The following DOCK3 variants were observed in gnomAD, a reference collection of about 807,000 sequenced individuals.
DOCK3 encodes the protein dedicator of cytokinesis 3.
A neutral mutation model predicts 265.6 loss-of-function variants in DOCK3; 60 were observed. The observed-to-expected ratio is 0.23, with a 90% CI of 0.18 to 0.28. DOCK3 has a LOEUF of 0.28. Ranked by LOEUF, DOCK3 falls within the 10% of genes least tolerant of loss-of-function variation. The pLI is 1.00. For synonymous variants in DOCK3, 881 were observed against 938.0 expected (o/e 0.94, Z 1.11); for missense variants, 1,981 against 2,594.3 (o/e 0.76, Z 5.14).
chr3:51,255,812 C>T (rs1325860430), intron 22 of DOCK3, among the ~76,000 whole-genome samples: 1 of 152,172 alleles, frequency 6.6e-6, no homozygotes, highest in African/African-American at 2.4e-5. Flanking sequence ...TTCGAACATC[C>T]TCCTTTAGCT....
At position 51,160,716 on chromosome 3, in the gene DOCK3, A is replaced by C; in HGVS notation, c.1037+14A>C. 1 of 1,608,594 alleles carries C rather than the reference A, an allele frequency of 6.2e-7. No individual in the cohort carries two copies. Among genetic ancestry groups the C allele is most frequent in the South Asian group, 1.1e-5 (1 of 90,304 alleles). On this transcript the variant is annotated intron_variant, in intron 12 of 52. Transcript: ENST00000266037. The stretch of plus-strand genomic sequence containing the variant: ...TAAGGTTTACACGTGAGTAATGGAC[A>C]TCAGGAATATTAATGATTTGTAGCA...
At position 51,362,648 on chromosome 3, in the gene DOCK3, T is replaced by C. The variant is rs774518416; in HGVS notation, c.5267T>C (p.Ile1756Thr). 6 of 1,613,828 alleles carry C rather than the reference T, an allele frequency of 3.7e-6. No homozygotes were observed. The highest frequency in any genetic ancestry group is 5.1e-6 in the Non-Finnish European group (6 of 1,179,834). The change falls in exon 49 of 53, where the codon ATT (isoleucine) becomes ACT (threonine). Residue 1756 changes from isoleucine (I) to threonine (T), a missense_variant. Physicochemically the swap from Ile to Thr is moderately conservative, Grantham distance 89. This residue lies in a region of DOCK3 where 1,357 missense variants were observed against 1,866.8 expected (regional missense o/e 0.73). Coordinates refer to ENST00000266037, the MANE Select transcript of DOCK3 (RefSeq NM_004947.5). ...ACTCACTCAGCACCATCCCAGATGA[T>C]TACCTCTGCCCCTTCCAGTGCCCGA... is the stretch of plus-strand genomic sequence containing the variant. ...SSTHSAPSQM[I>T]TSAPSSARGS...
chr3:50,795,016 G>T (rs1325154478), intron 2 of DOCK3, among the ~76,000 whole-genome samples: 1 of 151,990 alleles, frequency 6.6e-6, no homozygotes, highest in African/African-American at 2.4e-5. Flanking sequence ...ATGAATTCTG[G>T]GTTTGAATCT....
At chr3:50,899,200 CTTG>C (rs1470921199) in intron 4 of DOCK3, among the ~76,000 whole-genome samples, 2 of 152,128 alleles carry the variant, frequency 1.3e-5, no homozygotes, top group African/African-American at 2.4e-5. Flanking sequence ...GTTAGCTCTT[CTTG>C]TTGTATTGAT....
intron 1 of DOCK3, among the ~76,000 whole-genome samples, chr3:50,697,132 T>C (rs1417987051): frequency 6.6e-6 from 1 of 151,900 alleles, no homozygotes; most frequent in African/African-American, 2.4e-5. Context: ...GGTGTCACCA[T>C]GTTGGCCAGG....
At chr3:51,212,449 T>G (rs2089565471) in intron 13 of DOCK3, among the ~76,000 whole-genome samples, 1 of 150,530 alleles carries the variant, frequency 6.6e-6, no homozygotes, top group Non-Finnish European at 1.5e-5. Flanking sequence ...TTTTTTTTTT[T>G]GCTTTTGCCT....
intron 2 of DOCK3, among the ~76,000 whole-genome samples, chr3:50,802,699 A>G (rs2043136403): frequency 6.6e-6 from 1 of 152,114 alleles, no homozygotes; most frequent in Non-Finnish European, 1.5e-5. Flanking sequence ...TGCTGCTTTT[A>G]AAATTATTTC....
At chr3:51,249,296 C>T (rs1477115239) in intron 22 of DOCK3, among the ~76,000 whole-genome samples, 5 of 140,698 alleles carry the variant, frequency 3.6e-5, no homozygotes, top group Non-Finnish European at 6.3e-5. Flanking sequence ...AGCCCCTCTG[C>T]CCAACCAGCC....
At chr3:50,871,803 A>T (rs890569490) in intron 3 of DOCK3, among the ~76,000 whole-genome samples, 1 of 152,186 alleles carries the variant, frequency 6.6e-6, no homozygotes, top group African/African-American at 2.4e-5. Context: ...ACAATGAGTC[A>T]TTCTTGATTC....
chr3:50,675,886 T>G lies in DOCK3; in HGVS notation c.37+586T>G, dbSNP rs984975916. Among the ~76,000 whole-genome samples the G allele has an allele frequency of 8.0e-6, 1 of 124,288 alleles. No individual in the cohort carries two copies. Among genetic ancestry groups the G allele is most frequent in the Admixed American group, 8.2e-5 (1 of 12,138 alleles). 81.5% of individuals were successfully genotyped at this position (124,288 alleles called of 152,430 possible). The stretch of plus-strand genomic sequence containing the variant: ...GGACATGTATCAATGTTTATACGGT[T>G]TTTTTTTTAAACCCTGTTTTCAGAT... On this transcript the variant is annotated intron_variant, in intron 1 of 52. Transcript: ENST00000266037. The surrounding 1 kb of genome is among the most constrained non-coding windows in gnomAD (Gnocchi z 6.1).
chr3:51,282,659 A>G (rs1271120485), intron 27 of DOCK3, among the ~76,000 whole-genome samples: 1 of 125,706 alleles, frequency 8.0e-6, no homozygotes, highest in East Asian at 2.3e-4. Flanking sequence ...GTCTCAAAAA[A>G]AAAAAAAAAA....
At chr3:51,248,609 C>T (rs796991736) in intron 22 of DOCK3, among the ~76,000 whole-genome samples, 3 of 152,094 alleles carry the variant, frequency 2.0e-5, no homozygotes, top group African/African-American at 7.2e-5. Context: ...TCTGCCCGGC[C>T]GCCACCCCGT....
At chr3:51,362,818 G>T (rs1402687898) in intron 49 of DOCK3, 144 bp downstream of exon 49, 2 of 1,248,264 alleles carry the variant, frequency 1.6e-6, no homozygotes, top group Non-Finnish European at 2.2e-6. Flanking sequence ...CTAAGGACTC[G>T]AGAGTTCCTG....
intron 5 of DOCK3, among the ~76,000 whole-genome samples, chr3:50,972,009 C>T (rs774331123): frequency 6.6e-6 from 1 of 152,220 alleles, no homozygotes; most frequent in Non-Finnish European, 1.5e-5. Context: ...GTGCTCGGAA[C>T]ACTCAGATTG....
chr3:51,028,970 AGAAACACT>A (rs2079927968), intron 5 of DOCK3, among the ~76,000 whole-genome samples: 1 of 152,180 alleles, frequency 6.6e-6, no homozygotes, highest in African/African-American at 2.4e-5. Flanking sequence ...TTGGAGGTGA[AGAAACACT>A]GGCTTTTTTT....
chr3:51,301,797 T>G (rs1317845379), intron 27 of DOCK3, among the ~76,000 whole-genome samples: 1 of 152,186 alleles, frequency 6.6e-6, no homozygotes, highest in Non-Finnish European at 1.5e-5. Context: ...TCTGAGATCC[T>G]GTTTGTTATT....
chr3:51,160,703 G>C lies in DOCK3; in HGVS notation c.1037+1G>C, dbSNP rs1378797018. On this transcript the variant is annotated splice_donor_variant, in intron 12 of 52. Coordinates refer to ENST00000266037, the MANE Select transcript of DOCK3 (RefSeq NM_004947.5). LOFTEE classifies it high-confidence loss of function. ...AGGATTTTGTTCTTAAGGTTTACAC[G>C]TGAGTAATGGACATCAGGAATATTA... The C allele has an allele frequency of 6.2e-7, 1 of 1,610,746 alleles. No homozygotes were observed. The highest frequency in any genetic ancestry group is 1.3e-5 in the African/African-American group (1 of 74,962).
At chr3:51,255,927 T>C (rs2079522288) in intron 22 of DOCK3, among the ~76,000 whole-genome samples, 1 of 152,232 alleles carries the variant, frequency 6.6e-6, no homozygotes, top group African/African-American at 2.4e-5. Flanking sequence ...GCTGTGTTCC[T>C]TTGGAGGAGA....
intron 12 of DOCK3, among the ~76,000 whole-genome samples, chr3:51,169,156 A>G (rs919972116): frequency 2.0e-5 from 3 of 152,240 alleles, no homozygotes; most frequent in African/African-American, 4.8e-5. Flanking sequence ...AATTAGTTCA[A>G]CCATTGTGGA....
Sources: allele counts gnomAD v4.1 joint callset (sites outside exome capture counted in the v4.1 genomes callset), GRCh38; gene constraint gnomAD v4.1.1; regional missense constraint gnomAD v4.1.1; non-coding constraint Gnocchi (gnomAD v3.1); transcripts MANE v1.5; gene names NCBI Gene and HGNC (gene_info 2026-07-23, HGNC 2026-07-21).